ADGB: variants seen among roughly 807,000 people sequenced by gnomAD.
ADGB encodes calpain-7-like protein.
In ADGB, 172 loss-of-function variants were observed where a neutral mutation model predicts 210.5. The observed-to-expected ratio is 0.82, with a 90% confidence interval of 0.72 to 0.93. The LOEUF (loss-of-function observed/expected upper bound fraction) is 0.93, where lower values mean the gene tolerates loss of function less well. Among genes scored for constraint, ADGB ranks in the 40% least tolerant of loss-of-function variants. The probability of loss-of-function intolerance (pLI) is 0.00; values close to 1 mark genes in which losing one functional copy is unlikely to be tolerated. For missense variants in ADGB, 2,025 were observed against 1,964.8 expected (o/e 1.03, Z -0.58); for synonymous variants, 658 against 662.7 (o/e 0.99, Z 0.11).
chr6:146,670,623 T>C (rs1775993355), intron 7 of ADGB, among the ~76,000 whole-genome samples: 1 of 152,172 alleles, frequency 6.6e-6, no homozygotes, highest in African/African-American at 2.4e-5. Flanking sequence ...GCTTCCCTTA[T>C]TTCATTTTCA....
At chr6:146,663,178 ATAT>A (rs1477717477) in intron 5 of ADGB, among the ~76,000 whole-genome samples, 123 of 141,308 alleles carry the variant, frequency 8.7e-4, no homozygotes, top group Middle Eastern at 7.2e-3. Context: ...TATATATTAT[ATAT>A]TATATATAAT....
intron 3 of ADGB, among the ~76,000 whole-genome samples, chr6:146,652,798 G>A (rs142827431): frequency 9.2e-5 from 14 of 152,114 alleles, no homozygotes; most frequent in African/African-American, 3.4e-4. Context: ...AGCTATCATG[G>A]CTAATATTAG....
chr6:146,624,656 C>A (rs1423572682), intron 1 of ADGB, among the ~76,000 whole-genome samples: 1 of 151,708 alleles, frequency 6.6e-6, no homozygotes, highest in Non-Finnish European at 1.5e-5. Context: ...TGGACTTGCT[C>A]TTTTTTTCTT....
chr6:146,666,430 A>G (rs1775937415), intron 6 of ADGB, among the ~76,000 whole-genome samples: 1 of 152,066 alleles, frequency 6.6e-6, no homozygotes, highest in African/African-American at 2.4e-5. Context: ...AGCTTCAAAG[A>G]CATCTTAAAA....
At chr6:146,787,481 T>G (rs559651280) in intron 32 of ADGB, among the ~76,000 whole-genome samples, 4 of 152,200 alleles carry the variant, frequency 2.6e-5, no homozygotes, top group Admixed American at 6.6e-5. Flanking sequence ...TATAAGAAAT[T>G]TGTCTATTTT....
intron 12 of ADGB, among the ~76,000 whole-genome samples, chr6:146,697,536 A>T (rs1334498825): frequency 6.6e-6 from 1 of 152,172 alleles, no homozygotes; most frequent in Non-Finnish European, 1.5e-5. Context: ...GTGCTTAAGA[A>T]CACATTAGAT....
chr6:146,725,706 A>T (rs1353155005), intron 18 of ADGB: 1 of 159,452 alleles, frequency 6.3e-6, no homozygotes, highest in Non-Finnish European at 1.4e-5. Context: ...GAAATGATGC[A>T]TTTGTGAGAA....
At chr6:146,621,471 G>A (rs1044381985) in intron 1 of ADGB, among the ~76,000 whole-genome samples, 8 of 152,064 alleles carry the variant, frequency 5.3e-5, no homozygotes, top group South Asian at 4.1e-4. Flanking sequence ...GAGATTGACC[G>A]TCCACCTCTC....
chr6:146,704,232 C>G (rs1231963771), intron 13 of ADGB, among the ~76,000 whole-genome samples: 1 of 151,306 alleles, frequency 6.6e-6, no homozygotes, highest in Non-Finnish European at 1.5e-5. Context: ...GTATGATTTA[C>G]AAATATTTTC....
intron 1 of ADGB, among the ~76,000 whole-genome samples, chr6:146,611,573 C>A (rs921570320): frequency 7.9e-5 from 12 of 152,270 alleles, no homozygotes; most frequent in Admixed American, 6.5e-4. Flanking sequence ...TCACTGCTTC[C>A]CCCAGTAGCT....
chr6:146,625,637 C>T (rs552145177), intron 1 of ADGB, among the ~76,000 whole-genome samples: 60 of 152,062 alleles, frequency 3.9e-4, no homozygotes, highest in Admixed American at 7.9e-4. Context: ...TGTGGTTCCC[C>T]CTCTTTCTCA....
chr6:146,640,621 A>G (rs904242049), intron 2 of ADGB, among the ~76,000 whole-genome samples: 1 of 152,102 alleles, frequency 6.6e-6, no homozygotes, highest in African/African-American at 2.4e-5. Flanking sequence ...GCAAATCAAT[A>G]AATGTGATTC....
At chr6:146,611,768 C>G (rs1197222439) in intron 1 of ADGB, among the ~76,000 whole-genome samples, 1 of 152,102 alleles carries the variant, frequency 6.6e-6, no homozygotes, top group African/African-American at 2.4e-5. Flanking sequence ...CCTGATGCAT[C>G]TAGTCAGCCA....
chr6:146,770,177 C>T (rs1039109086), intron 29 of ADGB, among the ~76,000 whole-genome samples: 1 of 152,068 alleles, frequency 6.6e-6, no homozygotes, highest in Non-Finnish European at 1.5e-5. Context: ...ATTATTATTA[C>T]CCTTATTTAT....
chr6:146,724,600 C>T (rs1776867670), intron 18 of ADGB: 2 of 223,898 alleles, frequency 8.9e-6, no homozygotes, highest in African/African-American at 2.3e-5. Context: ...TTGTTTAACC[C>T]AGCATTTTCT....
At chr6:146,719,096 A>G (rs149464121) in intron 16 of ADGB, among the ~76,000 whole-genome samples, 125 of 152,206 alleles carry the variant, frequency 8.2e-4, no homozygotes, top group Non-Finnish European at 1.2e-3. Context: ...TCTGTATTGC[A>G]TTCACTCCTC....
chr6:146,758,171 T>C (rs1203212886), intron 27 of ADGB, among the ~76,000 whole-genome samples: 2 of 152,096 alleles, frequency 1.3e-5, no homozygotes, highest in African/African-American at 4.8e-5. Flanking sequence ...CAACTCCATT[T>C]CTAGTTTTTT....
At chr6:146,796,369 A>G (rs1278083459) in intron 33 of ADGB, among the ~76,000 whole-genome samples, 1 of 152,172 alleles carries the variant, frequency 6.6e-6, no homozygotes, top group Non-Finnish European at 1.5e-5. Flanking sequence ...TGGAACCAAA[A>G]AAGAGCCTAC....
intron 13 of ADGB, 129 bp from the exon 14 acceptor site, chr6:146,715,253 T>G: frequency 1.3e-6 from 1 of 779,490 alleles, no homozygotes; most frequent in Non-Finnish European, 2.0e-6. Flanking sequence ...TGGTAGGTTT[T>G]AGTAAATTTT....
Sources: gnomAD v4.1 joint callset for allele counts (sites outside exome capture counted in the v4.1 genomes callset) on GRCh38, gnomAD v4.1.1 for gene constraint, MANE v1.5 for transcripts, NCBI Gene and HGNC (gene_info 2026-07-23, HGNC 2026-07-21) for gene names.